The following DDX10 variants were observed in gnomAD, a reference collection of about 807,000 sequenced individuals.
The protein encoded by DDX10 is DEAD-box helicase 10.
DDX10 carries 74 observed loss-of-function variants against 104.3 expected under a neutral mutation model. The ratio of observed to expected loss-of-function variants is 0.71; its 90% CI spans 0.59 to 0.86. The LOEUF is 0.86. Among genes scored for constraint, DDX10 ranks in the 40% least tolerant of loss-of-function variants. The probability of loss-of-function intolerance (pLI) is 0.00; values close to 1 mark genes in which losing one functional copy is unlikely to be tolerated. For synonymous variants in DDX10, 351 were observed against 353.4 expected, an observed-to-expected ratio of 0.99 and a Z score of 0.08; for missense variants, 952 against 1,040.0, an observed-to-expected ratio of 0.92 and a Z score of 1.16.
chr11:108,710,147 T>C lies in DDX10; in HGVS notation c.1322+3310T>C, dbSNP rs146755133. On this transcript the variant is annotated intron_variant, in intron 10 of 17. Coordinates refer to ENST00000322536, the MANE Select transcript of DDX10 (RefSeq NM_004398.4). ...TACCTGCATAGGGCACTTACCACAG[T>C]GCTTGCAGGACTGGAAGTTGCTCTG... Among the ~76,000 whole-genome samples the C allele has an allele frequency of 3.3e-3, 503 of 152,338 alleles. 1 individual carries two copies. The highest frequency in any genetic ancestry group is 0.011 in the African/African-American group (473 of 41,570).
At chr11:108,777,486 A>T (rs534066072) in intron 13 of DDX10, among the ~76,000 whole-genome samples, 24 of 151,814 alleles carry the variant, frequency 1.6e-4, no homozygotes, top group African/African-American at 5.8e-4. Context: ...CTGCATCTGG[A>T]TAAGTTTTGT....
intron 13 of DDX10, among the ~76,000 whole-genome samples, chr11:108,816,973 C>G (rs1239473485): frequency 6.6e-6 from 1 of 152,204 alleles, no homozygotes; most frequent in African/African-American, 2.4e-5. Context: ...TTGGTCAAAA[C>G]TTGCACAGTA....
chr11:108,859,046 C>T (rs1003903094), intron 16 of DDX10, among the ~76,000 whole-genome samples: 16 of 152,086 alleles, frequency 1.1e-4, no homozygotes, highest in African/African-American at 3.4e-4. Flanking sequence ...TGCCATTGAA[C>T]GTGAGTAGCC....
intron 17 of DDX10, chr11:108,929,466 A>G (rs561814198): frequency 2.7e-4 from 41 of 152,366 alleles, no homozygotes; most frequent in Admixed American, 2.3e-3. Flanking sequence ...TCATGACTGT[A>G]CAATTCTGTG....
intron 13 of DDX10, among the ~76,000 whole-genome samples, chr11:108,741,733 T>A (rs991974169): frequency 2.0e-5 from 3 of 152,194 alleles, no homozygotes; most frequent in African/African-American, 7.2e-5. Flanking sequence ...TGTAGAATCA[T>A]GTCATCTGCA....
At chr11:108,760,246 T>A (rs2094349173) in intron 13 of DDX10, among the ~76,000 whole-genome samples, 1 of 152,056 alleles carries the variant, frequency 6.6e-6, no homozygotes, top group Admixed American at 6.6e-5. Flanking sequence ...GTTATTTGTC[T>A]TAACAAAATA....
intron 9 of DDX10, among the ~76,000 whole-genome samples, chr11:108,694,967 A>G (rs1024781538): frequency 6.6e-6 from 1 of 152,210 alleles, no homozygotes; most frequent in Non-Finnish European, 1.5e-5. Flanking sequence ...ATATGAATGA[A>G]TCAAAAAGGA....
chr11:108,898,301 T>G (rs1291068088), intron 16 of DDX10, among the ~76,000 whole-genome samples: 2 of 151,768 alleles, frequency 1.3e-5, no homozygotes, highest in African/African-American at 4.8e-5. Context: ...TAAGACAAAC[T>G]CTCCTGAGGT....
chr11:108,843,073 G>C (rs141326817), intron 15 of DDX10, among the ~76,000 whole-genome samples: 2 of 152,260 alleles, frequency 1.3e-5, no homozygotes, highest in Admixed American at 6.5e-5. Context: ...TCTGCCATAG[G>C]CTGTGAACAT....
chr11:108,856,825 T>C (rs1030177784), intron 16 of DDX10, among the ~76,000 whole-genome samples: 2 of 152,140 alleles, frequency 1.3e-5, no homozygotes, highest in Non-Finnish European at 2.9e-5. Context: ...CAGTATTATA[T>C]TGAGTGACCT....
chr11:108,795,939 A>G (rs1861935152), intron 13 of DDX10, among the ~76,000 whole-genome samples: 2 of 152,196 alleles, frequency 1.3e-5, no homozygotes, highest in South Asian at 4.1e-4. Flanking sequence ...CAATGGTCGA[A>G]CTAGTTTACA....
chr11:108,678,261 A>G (rs2094228827), intron 4 of DDX10, 54 bp from the exon 5 acceptor site: 3 of 1,567,610 alleles, frequency 1.9e-6, no homozygotes, highest in African/African-American at 1.4e-5. Flanking sequence ...GCTTTGGTAC[A>G]CAGGCTGCTG....
At chr11:108,816,846 A>G (rs182295301) in intron 13 of DDX10, among the ~76,000 whole-genome samples, 345 of 152,058 alleles carry the variant, frequency 2.3e-3, no homozygotes, top group Non-Finnish European at 3.6e-3. Flanking sequence ...GAGCCACCAC[A>G]CCCGGCCAAT....
At chr11:108,687,007 G>C (rs189813541) in intron 6 of DDX10, among the ~76,000 whole-genome samples, 2 of 152,002 alleles carry the variant, frequency 1.3e-5, no homozygotes, top group Non-Finnish European at 2.9e-5. Flanking sequence ...GGATGGTCTC[G>C]ATCTCCTGAC....
chr11:108,750,903 A>G (rs1008590671), intron 13 of DDX10, among the ~76,000 whole-genome samples: 4 of 130,300 alleles, frequency 3.1e-5, no homozygotes, highest in African/African-American at 8.6e-5. Flanking sequence ...AACTAAATAC[A>G]TGTGCATCAC....
chr11:108,895,517 A>G lies in DDX10; in HGVS notation c.2305-22356A>G, dbSNP rs950212733. On this transcript the variant is annotated intron_variant, in intron 16 of 17. Transcript: ENST00000322536. ...CAGACCATAAAGGACTTATATTTCTATATTTCAGTAATACATATCAATATT... is the reference window on the plus strand; with the variant it reads ...CAGACCATAAAGGACTTATATTTCTGTATTTCAGTAATACATATCAATATT... Among the ~76,000 whole-genome samples the G allele has an allele frequency of 3.3e-5, 5 of 152,022 alleles. No individual in the cohort carries two copies. The East Asian group carries it at 7.7e-4, about 23-fold the overall frequency.
Position 108,837,607 on chromosome 11 carries a change from C to CTTTTTTTTTTTTTTTTTTTT in DDX10, c.1966-823_1966-804dup, listed in dbSNP as rs142381520. Among the ~76,000 whole-genome samples the CTTTTTTTTTTTTTTTTTTTT allele has an allele frequency of 2.6e-4, 9 of 34,748 alleles. 2 individuals are homozygous for CTTTTTTTTTTTTTTTTTTTT. Among genetic ancestry groups the CTTTTTTTTTTTTTTTTTTTT allele is most frequent in the Non-Finnish European group, 3.5e-4 (7 of 20,186 alleles). 22.8% of individuals were successfully genotyped at this position (34,748 alleles called of 152,430 possible). A position where few individuals can be genotyped will look rare whatever the true frequency, so the allele number is the denominator to read the frequency against. On this transcript the variant is annotated intron_variant, in intron 13 of 17. Coordinates refer to ENST00000322536, the MANE Select transcript of DDX10 (RefSeq NM_004398.4). The stretch of plus-strand genomic sequence containing the variant: ...TTCTGCATCTCACCTTTGGATACAG[C>CTTTTTTTTTTTTTTTTTTTT]TTTTTTTTTTTTTTTTTTTTTTTTT...
At chr11:108,781,770 A>T (rs3133382) in intron 13 of DDX10, among the ~76,000 whole-genome samples, 2 of 152,142 alleles carry the variant, frequency 1.3e-5, no homozygotes, top group Non-Finnish European at 2.9e-5. Context: ...TTGGATGAAC[A>T]ATTTGCAGTC....
intron 13 of DDX10, among the ~76,000 whole-genome samples, chr11:108,787,654 T>G (rs1374970862): frequency 1.3e-5 from 2 of 152,110 alleles, no homozygotes; most frequent in Non-Finnish European, 2.9e-5. Flanking sequence ...TGTAAGGGGC[T>G]GGGTGCGATG....
Sources: gnomAD v4.1 joint callset for allele counts (sites outside exome capture counted in the v4.1 genomes callset) on GRCh38, gnomAD v4.1.1 for gene constraint, MANE v1.5 for transcripts, NCBI Gene and HGNC (gene_info 2026-07-23, HGNC 2026-07-21) for gene names.